Variants in STAB2 observed in about 807,000 individuals in gnomAD.
The protein encoded by STAB2 is stabilin 2.
STAB2 carries 288 observed loss-of-function variants against 338.1 expected under a neutral mutation model. The ratio of observed to expected loss-of-function variants is 0.85; its 90% confidence interval spans 0.77 to 0.94. The LOEUF (loss-of-function observed/expected upper bound fraction) is 0.94, where lower values mean the gene tolerates loss of function less well. Ranked by LOEUF, STAB2 falls within the 40% of genes least tolerant of loss-of-function variation. The pLI, the probability that STAB2 is intolerant of heterozygous loss-of-function variation, is 0.00. For missense variants in STAB2, 3,141 were observed against 3,210.1 expected (o/e 0.98, Z 0.52); for synonymous variants, 1,202 against 1,193.3 (o/e 1.01, Z -0.15).
At chr12:103,603,058 T>TTTTTTG (rs1262708033) in intron 3 of STAB2, among the ~76,000 whole-genome samples, 2 of 152,108 alleles carry the variant, frequency 1.3e-5, no homozygotes, top group Non-Finnish European at 2.9e-5. Context: ...GTTAATTCTT[T>TTTTTTG]TTTTTGTTTT....
Position 103,625,236 on chromosome 12 carries a change from T to G in STAB2, c.487+3125T>G, listed in dbSNP as rs1366077417. ...CATGTTATCTCCAAGACACTGGTGTTGGTTACTGATGAGCACAGATGCGCA... is the reference window on the plus strand; with the variant it reads ...CATGTTATCTCCAAGACACTGGTGTGGGTTACTGATGAGCACAGATGCGCA... On this transcript the variant is annotated intron_variant, in intron 5 of 68. Transcript: ENST00000388887. Among the ~76,000 whole-genome samples the G allele has an allele frequency of 3.3e-5, 5 of 152,348 alleles. No homozygotes were observed. In the East Asian group the frequency reaches 9.6e-4, roughly 29 times the overall value.
rs1882274345 is a variant in STAB2 at position 103,737,754 on chromosome 12, G to A, written c.5671G>A (p.Asp1891Asn). ...TGATCCCACCCTGGGGGGCCGCTGTGACACCTTTACTACTTTCGATGCCTC... is the reference window on the plus strand; with the variant it reads ...TGATCCCACCCTGGGGGGCCGCTGTAACACCTTTACTACTTTCGATGCCTC... ...LIDPTLGGRC[D>N]TFTTFDASGE... Residue 1891 changes from aspartate to asparagine, a missense_variant, in exon 53 of 69, where the codon GAC (aspartate) becomes AAC (asparagine). Asp to Asn is a conservative substitution (Grantham distance 23). Coordinates refer to ENST00000388887, the MANE Select transcript of STAB2 (RefSeq NM_017564.10). The A allele has an allele frequency of 6.2e-7, 1 of 1,613,938 alleles. No homozygotes were observed. The highest frequency in any genetic ancestry group is 8.5e-7 in the Non-Finnish European group (1 of 1,179,998).
intron 20 of STAB2, chr12:103,668,952 C>G (rs1244050088): frequency 4.4e-6 from 2 of 455,318 alleles, no homozygotes; most frequent in East Asian, 7.0e-5. Context: ...AGATCACACT[C>G]TTAACACTTC....
chr12:103,713,741 T>A lies in STAB2; in HGVS notation c.4510T>A (p.Tyr1504Asn). ...GRRVCTCKAG[Y>N]TGDGIVCLEI... ...GCGAGTGTGCACGTGCAAAGCAGGC[T>A]ACACGGGTGATGGCATTGTGTGCCT... Residue 1504 changes from tyrosine to asparagine, a missense_variant, in exon 42 of 69, where the codon TAC becomes AAC. Tyr to Asn is a moderately radical substitution (Grantham distance 143). Coordinates refer to ENST00000388887, the MANE Select transcript of STAB2 (RefSeq NM_017564.10). 3 of 1,614,028 alleles carry A rather than the reference T, an allele frequency of 1.9e-6. No individual in the cohort carries two copies. The highest frequency in any genetic ancestry group is 2.5e-6 in the Non-Finnish European group (3 of 1,179,906).
intron 40 of STAB2, among the ~76,000 whole-genome samples, 188 bp from the exon 41 acceptor site, chr12:103,712,179 G>T (rs1443310604): frequency 6.6e-6 from 1 of 152,174 alleles, no homozygotes; most frequent in Admixed American, 6.5e-5. Context: ...CCTGATAAAT[G>T]AGTACAGTTT....
rs1304709419 is a variant in STAB2 at position 103,731,609 on chromosome 12, T to A, written c.5257T>A (p.Tyr1753Asn). The A allele has an allele frequency of 6.2e-7, 1 of 1,613,936 alleles. No homozygotes were observed. Among genetic ancestry groups the A allele is most frequent in the South Asian group, 1.1e-5 (1 of 91,030 alleles). ...TACGACTTTGGCAACAAACAATGGC[T>A]ACATCAAATTTAGCAACTTAATACA... Reference protein sequence around the residue: ...NLTTLATNNGYIKFSNLIQDS... With the variant: ...NLTTLATNNGNIKFSNLIQDS... The change falls in exon 50 of 69, where the codon TAC (tyrosine) becomes AAC (asparagine). Residue 1753 changes from tyrosine (Y) to asparagine (N), a missense_variant. Transcript: ENST00000388887.
chr12:103,740,152 T>G (rs190101615), intron 54 of STAB2, among the ~76,000 whole-genome samples: 193 of 152,328 alleles, frequency 1.3e-3, no homozygotes, highest in Non-Finnish European at 4.4e-4. Flanking sequence ...TGGCACATAG[T>G]AAGTGCTCAT....
Position 103,689,915 on chromosome 12 carries a change from A to G in STAB2, c.3115A>G (p.Thr1039Ala). The G allele has an allele frequency of 6.2e-7, 1 of 1,614,210 alleles. No homozygotes were observed. Among genetic ancestry groups the G allele is most frequent in the Non-Finnish European group, 8.5e-7 (1 of 1,180,018 alleles). ...LTVLVPSQQA[T>A]EDMDQDEKSF... ...TGTCCTCGTGCCTTCCCAACAAGCT[A>G]CTGAGGACATGGACCAGGATGAGAA... Residue 1039 changes from threonine to alanine, a missense_variant, in exon 29 of 69, where the codon ACT (threonine) becomes GCT (alanine). Transcript: ENST00000388887.
intron 6 of STAB2, among the ~76,000 whole-genome samples, chr12:103,635,488 C>T (rs569209545): frequency 6.6e-6 from 1 of 152,320 alleles, no homozygotes; most frequent in South Asian, 2.1e-4. Flanking sequence ...AGCTCAGCTC[C>T]CTCCAGCATT....
intron 31 of STAB2, 25 bp from the exon 32 acceptor site, chr12:103,695,525 A>G: frequency 6.2e-7 from 1 of 1,613,144 alleles, no homozygotes; most frequent in Non-Finnish European, 8.5e-7. Flanking sequence ...ACATGCTAAC[A>G]GGATTCTGGG....
At chr12:103,608,170 G>T (rs182160243) in intron 3 of STAB2, among the ~76,000 whole-genome samples, 1 of 152,158 alleles carries the variant, frequency 6.6e-6, no homozygotes, top group African/African-American at 2.4e-5. Flanking sequence ...GCAGAGCCTC[G>T]CTCTGTCGCC....
In STAB2 at chr12:103,713,688, C is replaced by T. The variant is rs185968359; in HGVS notation, c.4457C>T (p.Ala1486Val). The T allele has an allele frequency of 6.8e-5, 109 of 1,614,120 alleles. No individual in the cohort carries two copies. In the East Asian group the frequency reaches 2.4e-3, roughly 36 times the overall value. The change falls in exon 42 of 69, where the codon GCT becomes GTT. Residue 1486 changes from alanine to valine, a missense_variant. Transcript: ENST00000388887. The stretch of plus-strand genomic sequence containing the variant: ...AGCAATGGAGGTTGCTCTGCCAAGG[C>T]TGACTGTAAGAGAACCACCCCAGGA... The part of the protein sequence containing the change: ...EISNGGCSAK[A>V]DCKRTTPGRR...
At chr12:103,635,359 G>A (rs1957527879) in intron 6 of STAB2, among the ~76,000 whole-genome samples, 1 of 152,210 alleles carries the variant, frequency 6.6e-6, no homozygotes, top group South Asian at 2.1e-4. Context: ...AAGGACTGTA[G>A]AGGAGGAAGC....
At chr12:103,737,195 C>T (rs1197625022) in intron 52 of STAB2, among the ~76,000 whole-genome samples, 1 of 152,194 alleles carries the variant, frequency 6.6e-6, no homozygotes, top group Admixed American at 6.5e-5. Flanking sequence ...CTATCACCCA[C>T]TGCTGACGTT....
rs541147292 is a variant in STAB2 at position 103,761,960 on chromosome 12, C to CTCCAAAGCCAGACTGGG, written c.7360-312_7360-296dup. ...ACAGCATAGTGGTTAAGCACAGAAG[C>CTCCAAAGCCAGACTGGG]TCCAAAGCCAGACTGGGTTCAAAGC... is the stretch of plus-strand genomic sequence containing the variant. On this transcript the variant is annotated intron_variant, in intron 66 of 68. Transcript: ENST00000388887. Among the ~76,000 whole-genome samples, 125 of 152,264 alleles carry CTCCAAAGCCAGACTGGG rather than the reference C, an allele frequency of 8.2e-4. 3 individuals carry two copies. In the South Asian group the frequency reaches 0.025, roughly 31 times the overall value.
chr12:103,746,751 A>G, intron 58 of STAB2, 47 bp downstream of exon 58: 1 of 1,589,536 alleles, frequency 6.3e-7, no homozygotes, highest in South Asian at 1.1e-5. Context: ...GGTGTGGGAG[A>G]GGAGCAGGAC....
intron 64 of STAB2, 145 bp from the exon 65 acceptor site, chr12:103,758,988 G>A: frequency 7.2e-7 from 1 of 1,394,808 alleles, no homozygotes; most frequent in Non-Finnish European, 9.9e-7. Context: ...AGAAGCCTAA[G>A]AAAACCTTGA....
chr12:103,631,441 T>TA (rs10668571), intron 5 of STAB2, among the ~76,000 whole-genome samples, 157 bp from the exon 6 acceptor site: 67,092 of 147,828 alleles, frequency 0.45, 15,368 homozygotes, highest in South Asian at 0.63. Context: ...ATGTTAAACT[T>TA]AAAAAAAAAA....
Position 103,733,180 on chromosome 12 carries a change from A to AAGGTATTT in STAB2, c.5460+1_5460+8dup, listed in dbSNP as rs755173927. 18 of 1,613,784 alleles carry AAGGTATTT rather than the reference A, an allele frequency of 1.1e-5. No individual in the cohort carries two copies. The highest frequency in any genetic ancestry group is 1.4e-5 in the Non-Finnish European group (17 of 1,179,870). On this transcript the variant is annotated frameshift_variant and splice_region_variant, in exon 51 of 69. Transcript: ENST00000388887. LOFTEE classifies it high-confidence loss of function. ...GAAGTTTCATGTGATACGAGATGCC[A>AAGGTATTT]AGGTATTTAGTTTACATGCAGACAT...
Sources: gnomAD v4.1 joint callset for allele counts (sites outside exome capture counted in the v4.1 genomes callset) on GRCh38, gnomAD v4.1.1 for gene constraint, MANE v1.5 for transcripts, NCBI Gene and HGNC (gene_info 2026-07-23, HGNC 2026-07-21) for gene names.